The following ARHGAP15 variants were observed in gnomAD, a reference collection of about 807,000 sequenced individuals.
The protein encoded by ARHGAP15 is Rho GTPase activating protein 15.
Under a neutral mutation model 63.7 loss-of-function variants are expected in ARHGAP15, and 51 were observed. The ratio of observed to expected loss-of-function variants is 0.80; its 90% CI spans 0.64 to 1.01. The LOEUF (loss-of-function observed/expected upper bound fraction) is 1.01. Among genes scored for constraint, ARHGAP15 ranks in the 50% least tolerant of loss-of-function variants. ARHGAP15 has a pLI of 0.00. For missense variants in ARHGAP15, 560 were observed against 564.6 expected (o/e 0.99, Z 0.08); for synonymous variants, 191 against 193.8 (o/e 0.99, Z 0.12).
At chr2:143,261,891 A>G (rs939556889) in intron 6 of ARHGAP15, among the ~76,000 whole-genome samples, 5 of 152,138 alleles carry the variant, frequency 3.3e-5, no homozygotes, top group African/African-American at 1.2e-4. Flanking sequence ...ACAACTTGCC[A>G]GAATTTTCCA....
chr2:143,308,976 TAAGAA>T (rs1433077831), intron 6 of ARHGAP15, among the ~76,000 whole-genome samples: 5 of 150,840 alleles, frequency 3.3e-5, no homozygotes, highest in Admixed American at 1.3e-4. Context: ...TAATATATTT[TAAGAA>T]AAGAAAAGTT....
chr2:143,730,796 T>C (rs1188982715), intron 13 of ARHGAP15, among the ~76,000 whole-genome samples: 4 of 149,898 alleles, frequency 2.7e-5, no homozygotes, highest in African/African-American at 9.9e-5. Context: ...TCCAGATACA[T>C]ATAGAAGGTT....
intron 6 of ARHGAP15, among the ~76,000 whole-genome samples, chr2:143,374,240 G>A (rs1371102289): frequency 6.6e-6 from 1 of 152,064 alleles, no homozygotes. Context: ...TTAAAAAATG[G>A]GATATAGAAT....
intron 6 of ARHGAP15, among the ~76,000 whole-genome samples, chr2:143,380,328 A>T (rs1367644342): frequency 6.6e-6 from 1 of 152,064 alleles, no homozygotes; most frequent in Non-Finnish European, 1.5e-5. Context: ...GCTACCATTG[A>T]TTTGATTGCC....
chr2:143,552,197 T>TAG (rs1296396696), intron 10 of ARHGAP15, among the ~76,000 whole-genome samples: 5 of 152,216 alleles, frequency 3.3e-5, no homozygotes, highest in African/African-American at 1.2e-4. Context: ...TTGCAGACTG[T>TAG]AGAGGTTCAG....
At chr2:143,215,061 G>T (rs1161087358) in intron 3 of ARHGAP15, among the ~76,000 whole-genome samples, 1 of 152,160 alleles carries the variant, frequency 6.6e-6, no homozygotes, top group African/African-American at 2.4e-5. Flanking sequence ...AGGTGTGAAA[G>T]GTACAGTTTT....
At chr2:143,355,154 G>A (rs1300059868) in intron 6 of ARHGAP15, among the ~76,000 whole-genome samples, 1 of 152,150 alleles carries the variant, frequency 6.6e-6, no homozygotes, top group African/African-American at 2.4e-5. Flanking sequence ...ATGAAGCTGT[G>A]TAAAAATATT....
At chr2:143,743,647 T>G (rs1197507866) in intron 13 of ARHGAP15, among the ~76,000 whole-genome samples, 2 of 152,186 alleles carry the variant, frequency 1.3e-5, no homozygotes, top group African/African-American at 4.8e-5. Context: ...GCTCCTCGTG[T>G]GCCAATGCCT....
At chr2:143,658,046 C>T (rs116790329) in intron 12 of ARHGAP15, among the ~76,000 whole-genome samples, 3,924 of 152,292 alleles carry the variant, frequency 0.026, 82 homozygotes, top group Non-Finnish European at 0.038. Context: ...TCATCAGAAT[C>T]ATTTGAAATT....
intron 6 of ARHGAP15, among the ~76,000 whole-genome samples, chr2:143,365,710 T>C (rs1686266495): frequency 6.8e-6 from 1 of 146,504 alleles, no homozygotes. Flanking sequence ...CTTAGACAAG[T>C]TTTTTAACAT....
At chr2:143,182,686 T>C (rs1338936610) in intron 2 of ARHGAP15, among the ~76,000 whole-genome samples, 1 of 152,126 alleles carries the variant, frequency 6.6e-6, no homozygotes, top group Non-Finnish European at 1.5e-5. Context: ...GGCAAATGTT[T>C]GAGGGTGAAA....
intron 8 of ARHGAP15, chr2:143,471,946 A>G (rs1691597032): frequency 2.0e-5 from 3 of 151,828 alleles, no homozygotes. Context: ...CTACTAATCT[A>G]CTCCCTTACC....
chr2:143,321,527 G>A (rs1684022081), intron 6 of ARHGAP15, among the ~76,000 whole-genome samples: 1 of 152,212 alleles, frequency 6.6e-6, no homozygotes, highest in African/African-American at 2.4e-5. Context: ...CACTGGCCTT[G>A]CCGTGGTCAC....
At chr2:143,137,558 G>A (rs1458781320) in intron 1 of ARHGAP15, among the ~76,000 whole-genome samples, 2 of 151,998 alleles carry the variant, frequency 1.3e-5, no homozygotes, top group African/African-American at 2.4e-5. Flanking sequence ...TCCATTATAT[G>A]CTTCTGAAAA....
At chr2:143,730,945 T>TAA (rs370584063) in intron 13 of ARHGAP15, among the ~76,000 whole-genome samples, 38,969 of 115,326 alleles carry the variant, frequency 0.34, 8,183 homozygotes, top group Non-Finnish European at 0.43. Flanking sequence ...TTTTTTTTTT[T>TAA]TGATTCAGTG....
chr2:143,538,279 G>A (rs1029859998), intron 10 of ARHGAP15, among the ~76,000 whole-genome samples: 20 of 152,284 alleles, frequency 1.3e-4, no homozygotes, highest in Non-Finnish European at 2.8e-4. Flanking sequence ...GAGATTTTGG[G>A]CTGAGACAAT....
intron 6 of ARHGAP15, among the ~76,000 whole-genome samples, chr2:143,254,036 G>A (rs1331036170): frequency 4.6e-5 from 7 of 152,174 alleles, no homozygotes; most frequent in Admixed American, 3.3e-4. Context: ...CTGGGTACGC[G>A]TTTTCTTAGT....
intron 6 of ARHGAP15, among the ~76,000 whole-genome samples, chr2:143,370,066 GTTC>G (rs1237257892): frequency 7.2e-5 from 11 of 152,112 alleles, no homozygotes; most frequent in Non-Finnish European, 1.6e-4. Context: ...TCTTAAAACA[GTTC>G]TTCTTTGGTG....
At chr2:143,642,758 A>G (rs1019879029) in intron 12 of ARHGAP15, among the ~76,000 whole-genome samples, 1 of 152,140 alleles carries the variant, frequency 6.6e-6, no homozygotes, top group Admixed American at 6.6e-5. Flanking sequence ...GGAGGCCTTC[A>G]TGAAGGAGGC....
Sources: gnomAD v4.1 joint callset for allele counts (sites outside exome capture counted in the v4.1 genomes callset) on GRCh38, gnomAD v4.1.1 for gene constraint, MANE v1.5 for transcripts, NCBI Gene and HGNC (gene_info 2026-07-23, HGNC 2026-07-21) for gene names.